SIPA1L3: variants seen among roughly 807,000 people sequenced by gnomAD.
SIPA1L3 encodes signal induced proliferation associated 1 like 3, also known as signal-induced proliferation-associated 1-like protein 3.
Under a neutral mutation model 150.1 loss-of-function variants are expected in SIPA1L3, and 59 were observed. The ratio of observed to expected loss-of-function variants is 0.39; its 90% CI spans 0.32 to 0.49. The LOEUF is 0.49. Among genes scored for constraint, SIPA1L3 ranks in the 20% least tolerant of loss-of-function variants. The pLI, the probability that SIPA1L3 is intolerant of heterozygous loss-of-function variation, is 0.86. For synonymous variants in SIPA1L3, 1,070 were observed against 1,077.6 expected (o/e 0.99, Z 0.14); for missense variants, 2,211 against 2,489.5 (o/e 0.89, Z 2.38).
chr19:37,989,878 G>A (rs993488260), intron 1 of SIPA1L3, among the ~76,000 whole-genome samples: 1 of 152,048 alleles, frequency 6.6e-6, no homozygotes, highest in African/African-American at 2.4e-5. Flanking sequence ...CTGCTTGTTG[G>A]GTGGCACAGC....
At chr19:37,991,793 C>G (rs1464381301) in intron 1 of SIPA1L3, among the ~76,000 whole-genome samples, 2 of 152,112 alleles carry the variant, frequency 1.3e-5, no homozygotes, top group African/African-American at 4.8e-5. Flanking sequence ...TGGGGGCTTG[C>G]TAGGACCGGG....
chr19:38,000,894 T>TTA (rs552331515), intron 1 of SIPA1L3, among the ~76,000 whole-genome samples: 1,577 of 114,936 alleles, frequency 0.014, 18 homozygotes, highest in Middle Eastern at 0.027. Context: ...TATATATATG[T>TTA]TATATATATA....
chr19:38,155,130 A>G (rs542370376), intron 13 of SIPA1L3, among the ~76,000 whole-genome samples: 2 of 152,356 alleles, frequency 1.3e-5, no homozygotes, highest in East Asian at 1.9e-4. Flanking sequence ...TACTCTGTCT[A>G]TCAACATGTG....
intron 10 of SIPA1L3, among the ~76,000 whole-genome samples, chr19:38,131,101 C>A (rs1282150799): frequency 1.3e-5 from 2 of 152,220 alleles, no homozygotes. Flanking sequence ...ACACTTCATT[C>A]ATTTGTTCAA....
chr19:38,060,528 G>T (rs1056458789), intron 2 of SIPA1L3, among the ~76,000 whole-genome samples: 1 of 152,182 alleles, frequency 6.6e-6, no homozygotes, highest in Admixed American at 6.5e-5. Flanking sequence ...CAGTTTGGGA[G>T]CCCCAGTGGT....
intron 15 of SIPA1L3, among the ~76,000 whole-genome samples, chr19:38,178,922 C>G (rs548158412): frequency 8.5e-5 from 13 of 152,174 alleles, no homozygotes; most frequent in Non-Finnish European, 1.9e-4. Context: ...ACTCTTTGCT[C>G]CATTGATAGA....
intron 13 of SIPA1L3, among the ~76,000 whole-genome samples, chr19:38,156,960 C>T (rs1404723838): frequency 1.3e-5 from 2 of 151,922 alleles, no homozygotes; most frequent in African/African-American, 2.4e-5. Context: ...GCTAGGAGTT[C>T]GAAACCAGCG....
At chr19:38,096,605 C>G (rs1970385218) in intron 4 of SIPA1L3, among the ~76,000 whole-genome samples, 2 of 151,986 alleles carry the variant, frequency 1.3e-5, no homozygotes, top group African/African-American at 4.8e-5. Flanking sequence ...TGTAACAAGC[C>G]CCCTGGAGAG....
chr19:38,106,880 C>T (rs940646181), intron 7 of SIPA1L3, among the ~76,000 whole-genome samples: 2 of 152,246 alleles, frequency 1.3e-5, no homozygotes, highest in Non-Finnish European at 2.9e-5. Context: ...AGCCCGACGC[C>T]CCTCCAGGGC....
intron 1 of SIPA1L3, among the ~76,000 whole-genome samples, chr19:38,025,170 C>T (rs1968476338): frequency 6.6e-6 from 1 of 152,200 alleles, no homozygotes; most frequent in Non-Finnish European, 1.5e-5. Context: ...ACGTGTCTCT[C>T]CCAGAGCCAA....
Position 38,152,857 on chromosome 19 carries a change from A to G in SIPA1L3, c.3551A>G (p.His1184Arg), listed in dbSNP as rs756629823. The change falls in exon 13 of 22, where the codon CAC (histidine) becomes CGC (arginine). Residue 1184 changes from histidine (H) to arginine (R), a missense_variant. By Grantham distance (29) the His-to-Arg change is conservative. Around this residue, in one of 5 missense-constraint regions of SIPA1L3, gnomAD observed 806 missense variants for 870.1 expected, o/e 0.93. Transcript: ENST00000222345. Reference sequence around the variant, plus strand: ...CCCTGCAGGTACACGGCTGCCCCACACCCCCTGCTATCTCTTGATCCCCAC... The same window carrying G: ...CCCTGCAGGTACACGGCTGCCCCACGCCCCCTGCTATCTCTTGATCCCCAC... ...PSPERYTAAP[H>R]PLLSLDPHFS... is the part of the protein sequence containing the mutation. 3.1e-6 allele frequency: 5 copies of G among 1,611,010 alleles called. No homozygotes were observed. In the South Asian group the frequency reaches 5.5e-5, roughly 18 times the overall value.
chr19:37,935,573 T>G (rs948316879), intron 1 of SIPA1L3, among the ~76,000 whole-genome samples: 1 of 152,162 alleles, frequency 6.6e-6, no homozygotes, highest in South Asian at 2.1e-4. Flanking sequence ...CTTCTGCTGG[T>G]CTTGCTTGGG....
intron 13 of SIPA1L3, among the ~76,000 whole-genome samples, chr19:38,158,595 T>C (rs1046942655): frequency 3.3e-5 from 5 of 152,196 alleles, no homozygotes; most frequent in African/African-American, 1.2e-4. Flanking sequence ...TACAGATTAC[T>C]GTCAGGTGGG....
At chr19:38,151,724 A>G (rs1249247370) in intron 12 of SIPA1L3, among the ~76,000 whole-genome samples, 1 of 152,038 alleles carries the variant, frequency 6.6e-6, no homozygotes, top group Admixed American at 6.6e-5. Context: ...GCGCTTTGGG[A>G]AGCTGAAGTA....
intron 1 of SIPA1L3, among the ~76,000 whole-genome samples, chr19:37,977,861 C>G (rs192740944): frequency 9.8e-5 from 15 of 152,330 alleles, no homozygotes; most frequent in African/African-American, 3.4e-4. Flanking sequence ...CTGGTTAAAA[C>G]TAAATGCCTA....
chr19:38,198,246 C>T (rs1973008551), intron 18 of SIPA1L3, 143 bp from the exon 19 acceptor site: 3 of 968,788 alleles, frequency 3.1e-6, no homozygotes. Context: ...CCTCTGTAGG[C>T]TCCAGCACTC....
rs748666379 is a variant in SIPA1L3, at chr19:38,012,514, G to A, written c.-378-16575G>A. On this transcript the variant is annotated intron_variant, in intron 1 of 21. Transcript: ENST00000222345. ...CTCAGGCCAGAGTGTGGGGTGAGGG[G>A]CAGAACTGTCTCCTGGGCTGTGGAA... is the stretch of plus-strand genomic sequence containing the variant. Among the ~76,000 whole-genome samples the A allele has an allele frequency of 2.0e-5, 3 of 152,106 alleles. No homozygotes were observed. In the East Asian group the frequency reaches 5.8e-4, roughly 29 times the overall value.
chr19:38,141,546 T>C, intron 11 of SIPA1L3, 111 bp downstream of exon 11: 1 of 1,187,766 alleles, frequency 8.4e-7, no homozygotes, highest in Non-Finnish European at 1.2e-6. Context: ...GCCTCAAGCT[T>C]TCGACCTTCC....
In SIPA1L3 at chr19:38,039,693, C is replaced by CAA. The variant is rs60084757; in HGVS notation, c.-311+10559_-311+10560dup. 3.6e-3 allele frequency among the ~76,000 whole-genome samples: 264 copies of CAA among 73,492 alleles called. 2 individuals carry two copies. The highest frequency in any genetic ancestry group is 0.012 in the African/African-American group (219 of 18,720). 48.2% of individuals were successfully genotyped at this position (73,492 alleles called of 152,430 possible). ...TGGGCAACAGAGCAAGACTCTGTCT[C>CAA]AAAAAAAAAAAAAAAAAAAAAAAGT... On this transcript the variant is annotated intron_variant, in intron 2 of 21. Transcript: ENST00000222345.
Sources: allele counts gnomAD v4.1 joint callset (sites outside exome capture counted in the v4.1 genomes callset), GRCh38; gene constraint gnomAD v4.1.1; regional missense constraint gnomAD v4.1.1; transcripts MANE v1.5; gene names NCBI Gene and HGNC (gene_info 2026-07-23, HGNC 2026-07-21).